Variants in ASAP2 observed in about 807,000 individuals in gnomAD.
The protein encoded by ASAP2 is ArfGAP with SH3 domain, ankyrin repeat and PH domain 2, also known as arf-GAP with SH3 domain, ANK repeat and PH domain-containing protein 2.
Under a neutral mutation model 131.4 loss-of-function variants are expected in ASAP2, and 45 were observed. That is an observed-to-expected ratio of 0.34 (90% CI 0.27 to 0.44). The LOEUF is 0.44. Ranked by LOEUF, ASAP2 falls within the 20% of genes least tolerant of loss-of-function variation. The pLI is 1.00. For synonymous variants in ASAP2, 510 were observed against 503.0 expected (o/e 1.01, Z -0.19); for missense variants, 1,011 against 1,297.0 (o/e 0.78, Z 3.39).
At chr2:9,212,367 G>A (rs533101680) in intron 1 of ASAP2, among the ~76,000 whole-genome samples, 6 of 152,080 alleles carry the variant, frequency 3.9e-5, no homozygotes, top group Non-Finnish European at 7.4e-5. Flanking sequence ...GGTGAGGGAG[G>A]GCCTTATATG....
At chr2:9,257,119 A>G (rs1009463941) in intron 1 of ASAP2, among the ~76,000 whole-genome samples, 7 of 152,246 alleles carry the variant, frequency 4.6e-5, no homozygotes, top group Non-Finnish European at 1.0e-4. Flanking sequence ...GGATGGTTTC[A>G]TTCATTCCAT....
chr2:9,401,124 C>T, intron 26 of ASAP2, 150 bp from the exon 27 acceptor site: 2 of 942,716 alleles, frequency 2.1e-6, no homozygotes. Flanking sequence ...GGCTCCTGAG[C>T]TGCACTGACC....
At chr2:9,231,575 C>A (rs570983710) in intron 1 of ASAP2, among the ~76,000 whole-genome samples, 1 of 152,154 alleles carries the variant, frequency 6.6e-6, no homozygotes, top group African/African-American at 2.4e-5. Flanking sequence ...GCCCGGGTGC[C>A]GCCACACCCC....
chr2:9,302,916 G>A (rs1034847066), intron 3 of ASAP2, among the ~76,000 whole-genome samples: 3 of 152,154 alleles, frequency 2.0e-5, no homozygotes, highest in African/African-American at 7.2e-5. Flanking sequence ...TGGCAGAGGG[G>A]CATCCTGGCT....
chr2:9,358,184 C>T (rs1257233074), intron 14 of ASAP2, among the ~76,000 whole-genome samples: 3 of 152,198 alleles, frequency 2.0e-5, no homozygotes, highest in Admixed American at 6.5e-5. Flanking sequence ...CCCTGGTCAT[C>T]TCATGGAACT....
intron 1 of ASAP2, among the ~76,000 whole-genome samples, chr2:9,242,344 A>C (rs1203353584): frequency 6.6e-6 from 1 of 152,152 alleles, no homozygotes; most frequent in Non-Finnish European, 1.5e-5. Flanking sequence ...GTGCTTGGTA[A>C]ATGTTTGTTG....
intron 1 of ASAP2, among the ~76,000 whole-genome samples, chr2:9,250,908 G>A (rs1225894486): frequency 1.3e-5 from 2 of 152,202 alleles, no homozygotes; most frequent in Non-Finnish European, 2.9e-5. Flanking sequence ...GCTTGCTCCC[G>A]GGGAACTTAA....
intron 16 of ASAP2, among the ~76,000 whole-genome samples, 176 bp from the exon 17 acceptor site, chr2:9,374,579 T>C (rs532844854): frequency 6.6e-6 from 1 of 152,238 alleles, no homozygotes; most frequent in African/African-American, 2.4e-5. Context: ...GAGGTCGCAG[T>C]GAAGACCAGT....
rs150574217 is a variant in ASAP2, at chr2:9,313,417, ATTCATG to A, written c.346-5099_346-5094del. On this transcript the variant is annotated intron_variant, in intron 3 of 27. Coordinates refer to ENST00000281419, the MANE Select transcript of ASAP2 (RefSeq NM_003887.3). ...TTGTTTTTCCCACTCACTCGTGTAC[ATTCATG>A]TTCATGTGTGTACTCCCGCTTCATG... Among the ~76,000 whole-genome samples the A allele has an allele frequency of 9.7e-3, 1,479 of 152,286 alleles. 27 individuals carry two copies. The highest frequency in any genetic ancestry group is 0.034 in the African/African-American group (1,405 of 41,558).
intron 7 of ASAP2, among the ~76,000 whole-genome samples, chr2:9,328,783 G>A (rs1255641528): frequency 2.0e-5 from 3 of 152,204 alleles, no homozygotes; most frequent in African/African-American, 7.2e-5. Context: ...CCAGAGGCGA[G>A]AGACACAGTG....
chr2:9,258,705 A>G (rs184389998), intron 1 of ASAP2, among the ~76,000 whole-genome samples: 3 of 152,188 alleles, frequency 2.0e-5, no homozygotes, highest in Non-Finnish European at 2.9e-5. Flanking sequence ...GGCTGTTGCA[A>G]CTTCTTTAGA....
Position 9,320,276 on chromosome 2 carries a change from C to T in ASAP2, c.421-12C>T. The T allele has an allele frequency of 6.2e-7, 1 of 1,605,562 alleles. No homozygotes were observed. The highest frequency in any genetic ancestry group is 8.5e-7 in the Non-Finnish European group (1 of 1,173,750). ...GATTAGTCTTGCCTAATTTATTATT[C>T]TTTGTTTACAGGATCTGAAAAAGCC... is the stretch of plus-strand genomic sequence containing the variant. On this transcript the variant is annotated splice_polypyrimidine_tract_variant and intron_variant, in intron 4 of 27. Coordinates refer to ENST00000281419, the MANE Select transcript of ASAP2 (RefSeq NM_003887.3).
In ASAP2 at chr2:9,404,000, C is replaced by A. The variant is rs1676972085; in HGVS notation, c.*673C>A. ...CAACGTAGGGTAACTACAGTTCATT[C>A]TGTTCCAGGTTATATAAAACTGCAT... On this transcript the variant is annotated 3_prime_UTR_variant, in exon 28 of 28. Coordinates refer to ENST00000281419, the MANE Select transcript of ASAP2 (RefSeq NM_003887.3). 6.6e-6 allele frequency: 1 copy of A among 152,248 alleles called. No homozygotes were observed. The highest frequency in any genetic ancestry group is 2.1e-4 in the South Asian group (1 of 4,832). 9.4% of individuals were successfully genotyped at this position (152,248 alleles called of 1,614,324 possible).
chr2:9,251,498 C>T lies in ASAP2; in HGVS notation c.127-27819C>T, dbSNP rs927893242. On this transcript the variant is annotated intron_variant, in intron 1 of 27. Transcript: ENST00000281419. ...AGCAGAACAGCTAATCCCTGATGTC[C>T]GTCGGGTGGGTTTTGTATGCTTAAT... Among the ~76,000 whole-genome samples the T allele has an allele frequency of 5.9e-5, 9 of 152,140 alleles. 1 individual carries two copies. Among genetic ancestry groups the T allele is most frequent in the Admixed American group, 3.3e-4 (5 of 15,270 alleles).
At position 9,207,336 on chromosome 2, in the gene ASAP2, G is replaced by A; in HGVS notation, c.126+106G>A. 2 of 1,388,630 alleles carry A rather than the reference G, an allele frequency of 1.4e-6. No individual in the cohort carries two copies. Among genetic ancestry groups the A allele is most frequent in the Non-Finnish European group, 1.9e-6 (2 of 1,064,422 alleles). The allele number at this position is 1,388,630 out of a possible 1,614,324, so 86.0% of individuals were successfully genotyped here. On this transcript the variant is annotated intron_variant, in intron 1 of 27. Coordinates refer to ENST00000281419, the MANE Select transcript of ASAP2 (RefSeq NM_003887.3). The surrounding 1 kb of genome is among the most constrained non-coding windows in gnomAD (Gnocchi z 4.1). ...AGAAAACTTTCTTTGCTCCGAAGCCGGACGCGGCCGGGCCAACCCTGCCCG... is the reference window on the plus strand; with the variant it reads ...AGAAAACTTTCTTTGCTCCGAAGCCAGACGCGGCCGGGCCAACCCTGCCCG...
chr2:9,371,337 G>A (rs1000535779), intron 16 of ASAP2, among the ~76,000 whole-genome samples: 2 of 152,196 alleles, frequency 1.3e-5, no homozygotes, highest in African/African-American at 4.8e-5. Context: ...AGTATACTCA[G>A]GCATTTACAT....
chr2:9,365,381 G>A (rs967720463), intron 15 of ASAP2, among the ~76,000 whole-genome samples: 1 of 152,168 alleles, frequency 6.6e-6, no homozygotes, highest in Non-Finnish European at 1.5e-5. Flanking sequence ...GGGAAGTCTG[G>A]TTTCTCTCAC....
chr2:9,324,600 A>G (rs75514341), intron 6 of ASAP2, among the ~76,000 whole-genome samples: 1,983 of 152,254 alleles, frequency 0.013, 42 homozygotes, highest in African/African-American at 0.046. Context: ...AATAGCAGAC[A>G]CACTCTTCTC....
chr2:9,266,932 C>G (rs1415408207), intron 1 of ASAP2, among the ~76,000 whole-genome samples: 1 of 152,170 alleles, frequency 6.6e-6, no homozygotes, highest in East Asian at 1.9e-4. Flanking sequence ...TAAGGGATTC[C>G]TAAGTCCCTT....
Sources: allele counts gnomAD v4.1 joint callset (sites outside exome capture counted in the v4.1 genomes callset), GRCh38; gene constraint gnomAD v4.1.1; non-coding constraint Gnocchi (gnomAD v3.1); transcripts MANE v1.5; gene names NCBI Gene and HGNC (gene_info 2026-07-23, HGNC 2026-07-21).